The following PCLO variants were observed in gnomAD, a reference collection of about 807,000 sequenced individuals.
PCLO encodes protein piccolo.
A neutral mutation model predicts 427.5 loss-of-function variants in PCLO; 82 were observed. That is an observed-to-expected ratio of 0.19 (90% CI 0.16 to 0.23). The LOEUF (loss-of-function observed/expected upper bound fraction) is 0.23. PCLO is among the 10% of genes least tolerant of loss of function. PCLO has a pLI of 1.00. For synonymous variants in PCLO, 2,357 were observed against 2,155.4 expected, an observed-to-expected ratio of 1.09 and a Z score of -2.59; for missense variants, 6,239 against 6,115.9, an observed-to-expected ratio of 1.02 and a Z score of -0.67.
At chr7:82,932,889 T>C (rs1340571916) in intron 6 of PCLO, among the ~76,000 whole-genome samples, 3 of 152,116 alleles carry the variant, frequency 2.0e-5, no homozygotes, top group Non-Finnish European at 4.4e-5. Flanking sequence ...TACACTGTAA[T>C]AGAAAACTAA....
intron 3 of PCLO, among the ~76,000 whole-genome samples, chr7:83,133,443 C>A (rs1015517233): frequency 2.0e-5 from 3 of 151,896 alleles, no homozygotes; most frequent in African/African-American, 7.2e-5. Context: ...TTCTAATAGC[C>A]CTAACATGCT....
At chr7:83,038,013 A>ATATATT (rs1562932823) in intron 3 of PCLO, among the ~76,000 whole-genome samples, 5 of 47,240 alleles carry the variant, frequency 1.1e-4, no homozygotes, top group South Asian at 1.1e-3. Context: ...ATATATATAT[A>ATATATT]TATATATATA....
At chr7:83,124,344 A>G (rs1352494153) in intron 3 of PCLO, among the ~76,000 whole-genome samples, 1 of 140,876 alleles carries the variant, frequency 7.1e-6, no homozygotes, top group African/African-American at 2.7e-5. Context: ...GAAGAGCGAG[A>G]CTCCGTCTCA....
intron 10 of PCLO, among the ~76,000 whole-genome samples, chr7:82,857,448 G>A (rs1341573512): frequency 6.6e-6 from 1 of 152,044 alleles, no homozygotes; most frequent in Non-Finnish European, 1.5e-5. Context: ...TTACTTAAAT[G>A]TATCTTACTA....
intron 3 of PCLO, among the ~76,000 whole-genome samples, chr7:83,115,964 T>G (rs915339951): frequency 6.6e-6 from 1 of 151,792 alleles, no homozygotes; most frequent in Admixed American, 6.6e-5. Flanking sequence ...TATAATACTC[T>G]CACATGCACA....
chr7:82,879,563 C>T (rs564107403), intron 9 of PCLO, 101 bp from the exon 10 acceptor site: 2 of 738,498 alleles, frequency 2.7e-6, no homozygotes, highest in South Asian at 4.2e-5. Flanking sequence ...TATCCAGAAG[C>T]TAAATATAAC....
At chr7:82,842,023 A>C in intron 13 of PCLO, among the ~76,000 whole-genome samples, 1 of 152,264 alleles carries the variant, frequency 6.6e-6, no homozygotes, top group Non-Finnish European at 1.5e-5. Flanking sequence ...AGAAATTTTT[A>C]TAGAACTAGT....
chr7:83,070,345 T>TA (rs1305940257), intron 3 of PCLO, among the ~76,000 whole-genome samples: 1 of 151,428 alleles, frequency 6.6e-6, no homozygotes, highest in Non-Finnish European at 1.5e-5. Context: ...TGATTCTCAA[T>TA]AACTGGGGAA....
intron 9 of PCLO, among the ~76,000 whole-genome samples, chr7:82,883,158 A>AAT (rs1238547116): frequency 1.3e-5 from 2 of 152,086 alleles, no homozygotes; most frequent in Non-Finnish European, 2.9e-5. Context: ...CTAGAATAAA[A>AAT]ATATATTGCG....
intron 3 of PCLO, among the ~76,000 whole-genome samples, chr7:83,097,816 T>C (rs1182698206): frequency 6.6e-6 from 1 of 151,756 alleles, no homozygotes; most frequent in South Asian, 2.1e-4. Flanking sequence ...ATGATCATAT[T>C]TTAAAAACTT....
At position 82,863,865 on chromosome 7, in the gene PCLO, C is replaced by T. The variant is rs2115932488; in HGVS notation, c.13654+15472G>A. On this transcript the variant is annotated intron_variant, in intron 10 of 24. Transcript: ENST00000333891. ...AAAAGGAGTAAAATTTAACCCATTT[C>T]ACTTGTGGTAATACCTTCGGTATTA... is the stretch of plus-strand genomic sequence containing the variant. Among the ~76,000 whole-genome samples, 3 of 152,136 alleles carry T rather than the reference C, an allele frequency of 2.0e-5. 1 individual carries two copies. The highest frequency in any genetic ancestry group is 4.1e-4 in the South Asian group (2 of 4,822).
At chr7:82,866,290 T>A (rs572942901) in intron 10 of PCLO, among the ~76,000 whole-genome samples, 1 of 152,090 alleles carries the variant, frequency 6.6e-6, no homozygotes, top group African/African-American at 2.4e-5. Flanking sequence ...CTCCTTGCTA[T>A]ATTTTTCTCC....
At chr7:82,790,713 C>T (rs1014264249) in intron 22 of PCLO, among the ~76,000 whole-genome samples, 9 of 152,138 alleles carry the variant, frequency 5.9e-5, no homozygotes, top group African/African-American at 2.2e-4. Flanking sequence ...TCCAGCTGCG[C>T]TTGTGAAAAG....
intron 20 of PCLO, among the ~76,000 whole-genome samples, chr7:82,808,078 G>T (rs1791492332): frequency 6.6e-6 from 1 of 151,904 alleles, no homozygotes; most frequent in African/African-American, 2.4e-5. Context: ...TAATGAGTCA[G>T]ATTAGTCAAT....
Position 83,003,485 on chromosome 7 carries a change from A to G in PCLO, c.3301-36998T>C, listed in dbSNP as rs114115463. 4.6e-3 allele frequency among the ~76,000 whole-genome samples: 702 copies of G among 151,904 alleles called. 5 individuals are homozygous for G. The highest frequency in any genetic ancestry group is 0.016 in the African/African-American group (675 of 41,508). ...TGCTAAATGGCTTAGATGGGATGGA[A>G]ACACATAAAAATATGGAAATATGGA... On this transcript the variant is annotated intron_variant, in intron 3 of 24. Transcript: ENST00000333891.
intron 9 of PCLO, among the ~76,000 whole-genome samples, chr7:82,881,626 T>C (rs1048032896): frequency 6.6e-6 from 1 of 152,130 alleles, no homozygotes; most frequent in Non-Finnish European, 1.5e-5. Context: ...ACAATTACTG[T>C]TCCTCTTGTT....
At chr7:82,827,258 C>A (rs1791967106) in intron 17 of PCLO, among the ~76,000 whole-genome samples, 6 of 152,146 alleles carry the variant, frequency 3.9e-5, no homozygotes, top group African/African-American at 1.4e-4. Flanking sequence ...CAACCTTATA[C>A]ATTTCAGTTA....
intron 10 of PCLO, among the ~76,000 whole-genome samples, chr7:82,850,450 T>C (rs1184007507): frequency 6.6e-6 from 1 of 152,174 alleles, no homozygotes; most frequent in African/African-American, 2.4e-5. Context: ...TTCAAGAACT[T>C]AGTATTAACA....
chr7:82,877,196 G>C (rs936646090), intron 10 of PCLO, among the ~76,000 whole-genome samples: 3 of 151,978 alleles, frequency 2.0e-5, no homozygotes, highest in Admixed American at 2.0e-4. Context: ...AAAGTGCAGA[G>C]AGCATCACTT....
Sources: allele counts gnomAD v4.1 joint callset (sites outside exome capture counted in the v4.1 genomes callset), GRCh38; gene constraint gnomAD v4.1.1; transcripts MANE v1.5; gene names NCBI Gene and HGNC (gene_info 2026-07-23, HGNC 2026-07-21).